Variants in DLEC1 observed in about 807,000 individuals in gnomAD.
The protein encoded by DLEC1 is deleted in lung and esophageal cancer protein 1.
A neutral mutation model predicts 198.1 loss-of-function variants in DLEC1; 146 were observed. That is an observed-to-expected ratio of 0.74 (90% CI 0.64 to 0.85). The LOEUF (loss-of-function observed/expected upper bound fraction) is 0.85, where lower values mean the gene tolerates loss of function less well. DLEC1 is among the 40% of genes least tolerant of loss of function. The pLI is 0.00. For synonymous variants in DLEC1, 897 were observed against 866.8 expected, an observed-to-expected ratio of 1.03 and a Z score of -0.61; for missense variants, 2,233 against 2,220.0, an observed-to-expected ratio of 1.01 and a Z score of -0.12.
chr3:38,097,598 G>A lies in DLEC1; in HGVS notation c.2526G>A (p.Ser842=), dbSNP rs17731258. Residue 842 remains serine, a synonymous_variant, in exon 17 of 37, where the codon TCG becomes TCA. Coordinates refer to ENST00000308059, the MANE Select transcript of DLEC1 (RefSeq NM_007335.4). ...SQDLLCEIED[S]PSPVVLHIEA... ...ACCTGCTGTGTGAAATCGAAGACTC[G>A]CCCTCGCCAGTGGTGTTACACATTG... is the stretch of plus-strand genomic sequence containing the variant. The A allele has an allele frequency of 0.013, 20,704 of 1,614,134 alleles. 201 individuals carry two copies. The highest frequency in any genetic ancestry group is 0.027 in the Middle Eastern group (163 of 6,062).
rs371022710 is a variant in DLEC1 at position 38,122,154 on chromosome 3, C to T, written c.5104C>T (p.Pro1702Ser). ...GCTAGAAGCACGATCCGCCAATGCA[C>T]CCCCAACCTCCATCGCCTTGCAGGT... Reference protein sequence around the residue: ...GLLEARSANAPPTSIALQVFF... With the variant: ...GLLEARSANASPTSIALQVFF... Residue 1702 changes from proline (P) to serine (S), a missense_variant, in exon 36 of 37, where the codon CCC becomes TCC. Pro to Ser is a moderately conservative substitution (Grantham distance 74). Transcript: ENST00000308059. 3.1e-6 allele frequency: 5 copies of T among 1,614,020 alleles called. No individual in the cohort carries two copies. In the African/African-American group the frequency reaches 5.3e-5, roughly 17 times the overall value.
Position 38,108,498 on chromosome 3 carries a change from T to C in DLEC1, c.3112T>C (p.Leu1038=). The change falls in exon 21 of 37, where the codon TTG becomes CTG. Residue 1038 remains leucine (L), a synonymous_variant. Coordinates refer to ENST00000308059, the MANE Select transcript of DLEC1 (RefSeq NM_007335.4). The part of the protein sequence containing the change: ...PSEECQLKLE[L]TAHTQEELTH... ...TGAGGAGTGCCAGCTCAAGTTGGAG[T>C]TGACTGCTCATACCCAGGTGAGTAA... 4 of 1,613,750 alleles carry C rather than the reference T, an allele frequency of 2.5e-6. No homozygotes were observed. Among genetic ancestry groups the C allele is most frequent in the Non-Finnish European group, 3.4e-6 (4 of 1,179,904 alleles).
intron 6 of DLEC1, among the ~76,000 whole-genome samples, chr3:38,075,783 C>T (rs190064546): frequency 2.3e-4 from 35 of 151,996 alleles, no homozygotes; most frequent in Non-Finnish European, 2.1e-4. Context: ...CCTAGAAAAG[C>T]GGGACTTGCC....
In DLEC1 at chr3:38,122,131, T is replaced by C. The variant is rs750972248; in HGVS notation, c.5081T>C (p.Leu1694Pro). The C allele has an allele frequency of 3.7e-6, 6 of 1,614,000 alleles. No individual in the cohort carries two copies. The Admixed American group carries it at 1.0e-4, about 27-fold the overall frequency. ...AFRVSPNSGL[L>P]EARSANAPPT... ...AGGGTCTCCCCAAACAGTGGGCTGC[T>C]AGAAGCACGATCCGCCAATGCACCC... The change falls in exon 36 of 37, where the codon CTA becomes CCA. Residue 1694 changes from leucine (L) to proline (P), a missense_variant. Physicochemically the swap from Leu to Pro is moderately conservative, Grantham distance 98. Transcript: ENST00000308059.
chr3:38,121,938 C>T, intron 35 of DLEC1, 133 bp from the exon 36 acceptor site: 3 of 1,513,514 alleles, frequency 2.0e-6, no homozygotes, highest in South Asian at 2.6e-5. Context: ...CCCAATCCCA[C>T]ATGATCTCAG....
In DLEC1 at chr3:38,114,998, C is replaced by T. The variant is rs1424071264; in HGVS notation, c.3801C>T (p.Val1267=). Residue 1267 remains valine, a synonymous_variant, in exon 27 of 37, where the codon GTC becomes GTT. Coordinates refer to ENST00000308059, the MANE Select transcript of DLEC1 (RefSeq NM_007335.4). The stretch of plus-strand genomic sequence containing the variant: ...CCCCCTCCAGGTTCGGCACCCAGGT[C>T]TCCGGAGGAGACACAGTTACCCGAA... ...KEPAMRFGTQ[V]SGGDTVTRTL... is the part of the protein sequence containing the mutation. 3 of 1,613,754 alleles carry T rather than the reference C, an allele frequency of 1.9e-6. No homozygotes were observed. Among genetic ancestry groups the T allele is most frequent in the African/African-American group, 2.7e-5 (2 of 74,952 alleles).
At chr3:38,115,872 G>T (rs543969072) in intron 27 of DLEC1, among the ~76,000 whole-genome samples, 2 of 152,052 alleles carry the variant, frequency 1.3e-5, no homozygotes, top group African/African-American at 4.8e-5. Context: ...CCCAGCTTAG[G>T]TTGGGGACAG....
At chr3:38,099,273 C>T (rs1699183979) in intron 18 of DLEC1, among the ~76,000 whole-genome samples, 1 of 152,172 alleles carries the variant, frequency 6.6e-6, no homozygotes, top group African/African-American at 2.4e-5. Context: ...AGAGGAGAGA[C>T]TGGAAGGGGC....
intron 2 of DLEC1, among the ~76,000 whole-genome samples, chr3:38,058,387 G>A (rs1395771670): frequency 1.3e-5 from 2 of 152,148 alleles, no homozygotes. Context: ...GCTTGCTCTT[G>A]AGTGTGTCTG....
At chr3:38,093,029 A>G in intron 11 of DLEC1, 149 bp downstream of exon 11, 2 of 778,698 alleles carry the variant, frequency 2.6e-6, no homozygotes, top group Non-Finnish European at 4.2e-6. Flanking sequence ...CAGGTGCCAG[A>G]GTCTCGTTTC....
At chr3:38,060,825 G>A (rs1164192025) in intron 3 of DLEC1, among the ~76,000 whole-genome samples, 1 of 152,020 alleles carries the variant, frequency 6.6e-6, no homozygotes, top group Non-Finnish European at 1.5e-5. Context: ...CTCCCAAGTA[G>A]CTGGGATTAC....
rs760268590 is a variant in DLEC1, at chr3:38,097,569, C to G, written c.2497C>G (p.Gln833Glu). The G allele has an allele frequency of 1.9e-6, 3 of 1,614,186 alleles. No homozygotes were observed. The highest frequency in any genetic ancestry group is 1.1e-5 in the South Asian group (1 of 91,088). The change falls in exon 17 of 37, where the codon CAG becomes GAG. Residue 833 changes from glutamine (Q) to glutamate (E), a missense_variant. By Grantham distance (29) the Gln-to-Glu change is conservative (BLOSUM62 2). Coordinates refer to ENST00000308059, the MANE Select transcript of DLEC1 (RefSeq NM_007335.4). ...FTGGVPGPTS[Q>E]DLLCEIEDSP... ...TGGGGGTGTCCCTGGCCCCACAAGC[C>G]AGGACCTGCTGTGTGAAATCGAAGA...
intron 6 of DLEC1, among the ~76,000 whole-genome samples, chr3:38,065,067 G>A (rs959390411): frequency 5.3e-5 from 8 of 152,248 alleles, no homozygotes; most frequent in African/African-American, 1.4e-4. Flanking sequence ...CTGAGTGAGC[G>A]AGACTCCGTC....
chr3:38,067,816 G>T (rs1470894362), intron 6 of DLEC1, among the ~76,000 whole-genome samples: 3 of 148,700 alleles, frequency 2.0e-5, no homozygotes, highest in African/African-American at 7.5e-5. Context: ...GCAGTTGCAG[G>T]ATCTTGGCTC....
At chr3:38,086,507 C>A in intron 9 of DLEC1, 130 bp downstream of exon 9, 1 of 1,221,928 alleles carries the variant, frequency 8.2e-7, no homozygotes. Flanking sequence ...ACTCTCTATG[C>A]AACTGCCACA....
rs79746935 is a variant in DLEC1 at position 38,121,994 on chromosome 3, C to T, written c.5021-77C>T. 2,263 of 1,583,588 alleles carry T rather than the reference C, an allele frequency of 1.4e-3. 20 individuals carry two copies. Among genetic ancestry groups the T allele is most frequent in the East Asian group, 0.012 (527 of 44,422 alleles). On this transcript the variant is annotated intron_variant, in intron 35 of 36. Coordinates refer to ENST00000308059, the MANE Select transcript of DLEC1 (RefSeq NM_007335.4). Reference sequence around the variant, plus strand: ...CTGAGCAAGACCAGAGGTACAGGCCCGGGGGTGGGTAAAGTCTTCCTGTGG... The same window carrying T: ...CTGAGCAAGACCAGAGGTACAGGCCTGGGGGTGGGTAAAGTCTTCCTGTGG...
At chr3:38,046,708 C>A (rs1700902290) in intron 2 of DLEC1, among the ~76,000 whole-genome samples, 1 of 152,318 alleles carries the variant, frequency 6.6e-6, no homozygotes, top group Admixed American at 6.5e-5. Flanking sequence ...TTTTTTAACA[C>A]AAGTGACTCC....
chr3:38,083,438 TA>T (rs1330988111), intron 6 of DLEC1, among the ~76,000 whole-genome samples: 1 of 152,188 alleles, frequency 6.6e-6, no homozygotes, highest in Non-Finnish European at 1.5e-5. Context: ...AGGACTTTCA[TA>T]AGGTCACATC....
chr3:38,089,606 C>G (rs532435496), intron 10 of DLEC1, among the ~76,000 whole-genome samples: 1 of 152,148 alleles, frequency 6.6e-6, no homozygotes, highest in Admixed American at 6.5e-5. Flanking sequence ...AGGCCAGGTT[C>G]TCTGTTCTCT....
Sources: gnomAD v4.1 joint callset for allele counts (sites outside exome capture counted in the v4.1 genomes callset) on GRCh38, gnomAD v4.1.1 for gene constraint, MANE v1.5 for transcripts, NCBI Gene and HGNC (gene_info 2026-07-23, HGNC 2026-07-21) for gene names.